Variants in ADAMTS18 observed in about 807,000 individuals in gnomAD.
ADAMTS18 encodes A disintegrin and metalloproteinase with thrombospondin motifs 18.
In ADAMTS18, 157 loss-of-function variants were observed where a neutral mutation model predicts 165.9. The ratio of observed to expected loss-of-function variants is 0.95; its 90% CI spans 0.83 to 1.08. The LOEUF (loss-of-function observed/expected upper bound fraction) is 1.08. Ranked by LOEUF, ADAMTS18 falls within the 50% of genes least tolerant of loss-of-function variation. The pLI is 0.00. For missense variants in ADAMTS18, 2,040 were observed against 1,534.0 expected, an observed-to-expected ratio of 1.33 and a Z score of -5.51; for synonymous variants, 782 against 578.2, an observed-to-expected ratio of 1.35 and a Z score of -5.06.
intron 3 of ADAMTS18, among the ~76,000 whole-genome samples, chr16:77,428,428 T>C (rs1427143469): frequency 6.6e-6 from 1 of 152,176 alleles, no homozygotes; most frequent in Non-Finnish European, 1.5e-5. Context: ...GTGCTTTCAA[T>C]TTCATTAACC....
At chr16:77,339,350 G>C (rs2056363207) in intron 11 of ADAMTS18, among the ~76,000 whole-genome samples, 2 of 152,036 alleles carry the variant, frequency 1.3e-5, no homozygotes, top group South Asian at 4.2e-4. Context: ...CTATAGCCTG[G>C]TGTTTTAAAA....
intron 10 of ADAMTS18, among the ~76,000 whole-genome samples, chr16:77,343,033 C>T (rs1035597955): frequency 6.6e-6 from 1 of 151,506 alleles, no homozygotes; most frequent in Non-Finnish European, 1.5e-5. Context: ...CCCCTAAGGC[C>T]TTCAAAACCC....
chr16:77,293,661 T>C (rs1381112532), intron 19 of ADAMTS18, among the ~76,000 whole-genome samples: 1 of 151,596 alleles, frequency 6.6e-6, no homozygotes, highest in Non-Finnish European at 1.5e-5. Context: ...GGGTCGGCTT[T>C]TGCAGAACAC....
chr16:77,389,212 G>A (rs542882182), intron 3 of ADAMTS18, among the ~76,000 whole-genome samples: 20 of 152,292 alleles, frequency 1.3e-4, no homozygotes, highest in African/African-American at 4.8e-4. Flanking sequence ...GGCTGAAGCA[G>A]GAGTATCACT....
chr16:77,419,804 G>C lies in ADAMTS18; in HGVS notation c.495+11491C>G, dbSNP rs760413939. Among the ~76,000 whole-genome samples the C allele has an allele frequency of 4.0e-5, 6 of 151,852 alleles. 1 individual carries two copies. Among genetic ancestry groups the C allele is most frequent in the Non-Finnish European group, 7.4e-5 (5 of 67,970 alleles). ...TCATGAGGTCAGGAGTTCGAGACCA[G>C]CCTGGCCAACATGGTGAAACCCCGT... is the stretch of plus-strand genomic sequence containing the variant. On this transcript the variant is annotated intron_variant, in intron 3 of 22. Transcript: ENST00000282849.
intron 3 of ADAMTS18, among the ~76,000 whole-genome samples, chr16:77,389,346 A>C (rs1405610166): frequency 6.6e-6 from 1 of 152,206 alleles, no homozygotes; most frequent in Non-Finnish European, 1.5e-5. Flanking sequence ...ATCTAATTCC[A>C]CAAAATGCAT....
At chr16:77,384,420 G>T (rs745631788) in intron 3 of ADAMTS18, among the ~76,000 whole-genome samples, 8 of 152,130 alleles carry the variant, frequency 5.3e-5, no homozygotes, top group Admixed American at 1.3e-4. Flanking sequence ...AGTTGATGTT[G>T]TATTTGATTT....
At chr16:77,421,526 C>A (rs552348635) in intron 3 of ADAMTS18, among the ~76,000 whole-genome samples, 1 of 152,338 alleles carries the variant, frequency 6.6e-6, no homozygotes, top group South Asian at 2.1e-4. Flanking sequence ...TGGGAAACCA[C>A]GCAATTTCAC....
intron 12 of ADAMTS18, among the ~76,000 whole-genome samples, chr16:77,335,506 C>T (rs116571761): frequency 0.011 from 1,629 of 151,664 alleles, 28 homozygotes; most frequent in African/African-American, 0.037. Context: ...AAAGAAATGA[C>T]ATTGGAATTT....
At chr16:77,313,193 G>A (rs2055815842) in intron 16 of ADAMTS18, among the ~76,000 whole-genome samples, 1 of 151,742 alleles carries the variant, frequency 6.6e-6, no homozygotes, top group Non-Finnish European at 1.5e-5. Flanking sequence ...CTATCACAAG[G>A]ACAAAAAATC....
chr16:77,318,396 CCAGGAAGA>C (rs2055925802), intron 16 of ADAMTS18, among the ~76,000 whole-genome samples: 1 of 152,166 alleles, frequency 6.6e-6, no homozygotes, highest in Non-Finnish European at 1.5e-5. Flanking sequence ...GCCAAGTGAG[CCAGGAAGA>C]CTTACGTTCA....
At chr16:77,420,523 C>G (rs1390489025) in intron 3 of ADAMTS18, among the ~76,000 whole-genome samples, 1 of 152,114 alleles carries the variant, frequency 6.6e-6, no homozygotes, top group Non-Finnish European at 1.5e-5. Flanking sequence ...AATCACTGTT[C>G]TAGACTTATG....
intron 11 of ADAMTS18, among the ~76,000 whole-genome samples, chr16:77,337,592 T>C (rs142052106): frequency 6.6e-5 from 10 of 152,342 alleles, no homozygotes; most frequent in Non-Finnish European, 1.5e-4. Context: ...ACACTTCTAC[T>C]TCTCATCTTG....
rs564041562 is a variant in ADAMTS18 at position 77,287,050 on chromosome 16, C to G, written c.3550+2214G>C. ...AAAGCTGTTTGGTGACACTGGATGA[C>G]AGGAGGATGCAGCCATGGGCAGAAT... On this transcript the variant is annotated intron_variant, in intron 22 of 22. Coordinates refer to ENST00000282849, the MANE Select transcript of ADAMTS18 (RefSeq NM_199355.4). 6.6e-5 allele frequency among the ~76,000 whole-genome samples: 10 copies of G among 152,168 alleles called. No homozygotes were observed. The South Asian group carries it at 1.9e-3, about 28-fold the overall frequency.
intron 3 of ADAMTS18, among the ~76,000 whole-genome samples, chr16:77,406,637 C>G (rs2057396435): frequency 6.6e-6 from 1 of 151,994 alleles, no homozygotes; most frequent in Non-Finnish European, 1.5e-5. Flanking sequence ...ATAAATCATT[C>G]TACCAAAAAG....
Position 77,410,389 on chromosome 16 carries a change from G to T in ADAMTS18, c.495+20906C>A, listed in dbSNP as rs1347280122. 3.3e-5 allele frequency among the ~76,000 whole-genome samples: 5 copies of T among 151,938 alleles called. No homozygotes were observed. In the East Asian group the frequency reaches 5.8e-4, roughly 18 times the overall value. ...AAATTTCACTGATTCTCAAAATTTG[G>T]TGAGCATGAGGATCCTCTAGCATGC... On this transcript the variant is annotated intron_variant, in intron 3 of 22. Transcript: ENST00000282849.
rs116238195 is a variant in ADAMTS18, at chr16:77,386,554, T to C, written c.496-18831A>G. On this transcript the variant is annotated intron_variant, in intron 3 of 22. Coordinates refer to ENST00000282849, the MANE Select transcript of ADAMTS18 (RefSeq NM_199355.4). ...GTGGCCGCCCCATAAAGATGTGGCATAAGCTCTCCAGTTCATCAAAGCCCT... is the reference window on the plus strand; with the variant it reads ...GTGGCCGCCCCATAAAGATGTGGCACAAGCTCTCCAGTTCATCAAAGCCCT... Among the ~76,000 whole-genome samples, 1,091 of 152,290 alleles carry C rather than the reference T, an allele frequency of 7.2e-3. 11 individuals carry two copies. The highest frequency in any genetic ancestry group is 0.025 in the African/African-American group (1,037 of 41,566).
At position 77,295,137 on chromosome 16, in the gene ADAMTS18, C is replaced by T; in HGVS notation, c.2802-10G>A. 1 of 1,613,988 alleles carries T rather than the reference C, an allele frequency of 6.2e-7. No individual in the cohort carries two copies. The highest frequency in any genetic ancestry group is 8.5e-7 in the Non-Finnish European group (1 of 1,179,982). ...TTCACCTGGCATCCAGCTTTCAGTG[C>T]AAAACAAACATTACCAATGAAGCCA... On this transcript the variant is annotated splice_polypyrimidine_tract_variant and intron_variant, in intron 18 of 22. Coordinates refer to ENST00000282849, the MANE Select transcript of ADAMTS18 (RefSeq NM_199355.4).
chr16:77,284,117 C>CTTT (rs765171113), intron 22 of ADAMTS18, 46 bp from the exon 23 acceptor site: 2 of 1,284,944 alleles, frequency 1.6e-6, no homozygotes, highest in Non-Finnish European at 1.1e-6. Context: ...GGTGTCTATC[C>CTTT]TTTTTCTTTT....
Sources: allele counts gnomAD v4.1 joint callset (sites outside exome capture counted in the v4.1 genomes callset), GRCh38; gene constraint gnomAD v4.1.1; transcripts MANE v1.5; gene names NCBI Gene and HGNC (gene_info 2026-07-23, HGNC 2026-07-21).